Variants in SYN3 observed in about 807,000 individuals in gnomAD.
SYN3 encodes the protein synapsin III, also known as synapsin-3.
A neutral mutation model predicts 65.8 loss-of-function variants in SYN3; 35 were observed. The observed-to-expected ratio is 0.53, with a 90% CI of 0.41 to 0.70. The LOEUF (loss-of-function observed/expected upper bound fraction) is 0.70. Ranked by LOEUF, SYN3 falls within the 30% of genes least tolerant of loss-of-function variation. The pLI, the probability that SYN3 is intolerant of heterozygous loss-of-function variation, is 0.00. For synonymous variants in SYN3, 270 were observed against 292.9 expected (o/e 0.92, Z 0.80); for missense variants, 680 against 749.0 (o/e 0.91, Z 1.08).
intron 3 of SYN3, among the ~76,000 whole-genome samples, chr22:32,934,432 T>C (rs2050719388): frequency 6.6e-6 from 1 of 152,158 alleles, no homozygotes; most frequent in South Asian, 2.1e-4. Flanking sequence ...TCAGTTGTGG[T>C]TTATGAATAA....
rs868306046 is a variant in SYN3 at position 32,527,738 on chromosome 22, C to A, written c.1318+180G>T. On this transcript the variant is annotated intron_variant, in intron 12 of 13. Coordinates refer to ENST00000358763, the MANE Select transcript of SYN3 (RefSeq NM_003490.4). Reference sequence around the variant, plus strand: ...TTCTTAATAAATTAACCTTCTATTTCCCTTCTCCTTTCTTGACTTTTTAAA... The same window carrying A: ...TTCTTAATAAATTAACCTTCTATTTACCTTCTCCTTTCTTGACTTTTTAAA... 10 of 569,116 alleles carry A rather than the reference C, an allele frequency of 1.8e-5. No homozygotes were observed. The South Asian group carries it at 2.1e-4, about 12-fold the overall frequency. The allele number at this position is 569,116 out of a possible 1,614,324, so 35.3% of individuals were successfully genotyped here.
chr22:32,615,015 T>C (rs955984137), intron 6 of SYN3, among the ~76,000 whole-genome samples: 4 of 150,472 alleles, frequency 2.7e-5, no homozygotes, highest in Non-Finnish European at 5.9e-5. Flanking sequence ...AATTGGAAAG[T>C]AAAAAATTAC....
Position 32,954,531 on chromosome 22 carries a change from A to T in SYN3, c.370-23050T>A, listed in dbSNP as rs941261394. ...TGAGCTGGGCTCCACATGCTTAGAC[A>T]CCATTCTGCCAAATGCTCTGCAAAG... On this transcript the variant is annotated intron_variant, in intron 3 of 13. Transcript: ENST00000358763. Among the ~76,000 whole-genome samples, 3 of 152,340 alleles carry T rather than the reference A, an allele frequency of 2.0e-5. No homozygotes were observed. In the East Asian group the frequency reaches 5.8e-4, roughly 29 times the overall value.
At chr22:32,882,525 T>C (rs1311877559) in intron 4 of SYN3, among the ~76,000 whole-genome samples, 1 of 152,218 alleles carries the variant, frequency 6.6e-6, no homozygotes, top group Admixed American at 6.5e-5. Context: ...ATTACCTTAA[T>C]TGATCCTGAC....
At chr22:32,706,122 C>T (rs1186796436) in intron 6 of SYN3, among the ~76,000 whole-genome samples, 1 of 152,180 alleles carries the variant, frequency 6.6e-6, no homozygotes, top group Non-Finnish European at 1.5e-5. Context: ...TGAGAGAGGA[C>T]AACCTTGTCT....
At chr22:32,816,218 G>T (rs938008003) in intron 6 of SYN3, among the ~76,000 whole-genome samples, 6 of 152,074 alleles carry the variant, frequency 3.9e-5, no homozygotes, top group Admixed American at 3.9e-4. Context: ...GGCGGGGGTA[G>T]GGGGGAGGCC....
intron 4 of SYN3, among the ~76,000 whole-genome samples, chr22:32,876,922 T>G (rs1222849298): frequency 6.6e-6 from 1 of 152,250 alleles, no homozygotes; most frequent in Non-Finnish European, 1.5e-5. Flanking sequence ...TTGGTACACA[T>G]GCATAAATAG....
intron 4 of SYN3, among the ~76,000 whole-genome samples, chr22:32,879,543 C>CG (rs2049072052): frequency 6.6e-6 from 1 of 152,186 alleles, no homozygotes; most frequent in Admixed American, 6.5e-5. Context: ...GGAGCTCTCT[C>CG]GGGGCCTCTT....
chr22:32,558,049 T>G (rs1054676705), intron 7 of SYN3, among the ~76,000 whole-genome samples: 2 of 152,234 alleles, frequency 1.3e-5, no homozygotes, highest in Non-Finnish European at 2.9e-5. Flanking sequence ...GCTTTTGCAT[T>G]GTCTGCCTAT....
chr22:32,660,434 C>T (rs2060200960), intron 6 of SYN3, among the ~76,000 whole-genome samples: 2 of 152,172 alleles, frequency 1.3e-5, no homozygotes, highest in African/African-American at 4.8e-5. Context: ...TGGCGGCATT[C>T]TAGCATATTC....
chr22:32,829,024 C>T (rs1340600041), intron 6 of SYN3, among the ~76,000 whole-genome samples: 3 of 152,162 alleles, frequency 2.0e-5, no homozygotes, highest in Non-Finnish European at 2.9e-5. Flanking sequence ...GACTACCAGC[C>T]TCCTCCCTAT....
intron 6 of SYN3, among the ~76,000 whole-genome samples, chr22:32,816,516 G>A (rs1490130966): frequency 6.6e-6 from 1 of 152,178 alleles, no homozygotes; most frequent in East Asian, 1.9e-4. Context: ...CTTGAGACCA[G>A]CTTTTTTATT....
chr22:32,726,316 T>C (rs941440316), intron 6 of SYN3, among the ~76,000 whole-genome samples: 24 of 152,168 alleles, frequency 1.6e-4, no homozygotes, highest in African/African-American at 5.5e-4. Context: ...CTAATTTTTG[T>C]ATTTTTGGTA....
intron 7 of SYN3, among the ~76,000 whole-genome samples, chr22:32,560,197 C>T (rs1850718433): frequency 6.6e-6 from 1 of 152,216 alleles, no homozygotes; most frequent in African/African-American, 2.4e-5. Flanking sequence ...TCAAGTTGCC[C>T]GACTGGCCCT....
At chr22:32,927,410 T>C (rs241879) in intron 4 of SYN3, among the ~76,000 whole-genome samples, 148,677 of 151,818 alleles carry the variant, frequency 0.98, 72,809 homozygotes, top group East Asian at 1. Context: ...GGAGGATTTC[T>C]GCTATTTTTT....
At chr22:32,571,396 C>T (rs2058756876) in intron 7 of SYN3, among the ~76,000 whole-genome samples, 1 of 152,184 alleles carries the variant, frequency 6.6e-6, no homozygotes, top group African/African-American at 2.4e-5. Flanking sequence ...TTATGTGGCA[C>T]CCTGGCCACC....
chr22:32,537,807 C>A (rs2058189991), intron 9 of SYN3, among the ~76,000 whole-genome samples: 1 of 152,226 alleles, frequency 6.6e-6, no homozygotes, highest in African/African-American at 2.4e-5. Flanking sequence ...AGACAAATCA[C>A]TTCCCCTCTC....
intron 10 of SYN3, among the ~76,000 whole-genome samples, chr22:32,533,306 GC>G (rs1346201588): frequency 6.6e-6 from 1 of 151,922 alleles, no homozygotes; most frequent in African/African-American, 2.4e-5. Flanking sequence ...TCCCCTGCCA[GC>G]CTGCACACCC....
At chr22:32,554,605 C>T (rs543079924) in intron 7 of SYN3, among the ~76,000 whole-genome samples, 20 of 152,258 alleles carry the variant, frequency 1.3e-4, no homozygotes, top group East Asian at 1.2e-3. Flanking sequence ...CCCGCCACTC[C>T]GGCTCGTACC....
Sources: allele counts gnomAD v4.1 joint callset (sites outside exome capture counted in the v4.1 genomes callset), GRCh38; gene constraint gnomAD v4.1.1; transcripts MANE v1.5; gene names NCBI Gene and HGNC (gene_info 2026-07-23, HGNC 2026-07-21).